DPYD: variants seen among roughly 807,000 people sequenced by gnomAD.
DPYD encodes dihydropyrimidine dehydrogenase [NADP(+)].
In DPYD, 109 loss-of-function variants were observed where a neutral mutation model predicts 116.2. The observed-to-expected ratio is 0.94, with a 90% CI of 0.80 to 1.10. The LOEUF is 1.10. DPYD is among the 50% of genes least tolerant of loss of function. The probability of loss-of-function intolerance (pLI) is 0.00; values close to 1 mark genes in which losing one functional copy is unlikely to be tolerated. For missense variants in DPYD, 1,302 were observed against 1,254.5 expected, an observed-to-expected ratio of 1.04 and a Z score of -0.57; for synonymous variants, 440 against 432.0, an observed-to-expected ratio of 1.02 and a Z score of -0.23.
At chr1:97,433,198 A>T (rs1246715409) in intron 14 of DPYD, among the ~76,000 whole-genome samples, 1 of 152,020 alleles carries the variant, frequency 6.6e-6, no homozygotes, top group Admixed American at 6.6e-5. Context: ...ACCTCTTTTA[A>T]CTGGAGGAGG....
rs189899379 is a variant in DPYD at position 97,278,946 on chromosome 1, C to T, written c.2299+26313G>A. ...ATTTTTTTTTTCCCACAGCTCTTTGCAGACACTAAACTTGAGCTTCTGAAT... is the reference window on the plus strand; with the variant it reads ...ATTTTTTTTTTCCCACAGCTCTTTGTAGACACTAAACTTGAGCTTCTGAAT... On this transcript the variant is annotated intron_variant, in intron 18 of 22. Transcript: ENST00000370192. Among the ~76,000 whole-genome samples the T allele has an allele frequency of 1.3e-4, 19 of 151,964 alleles. No individual in the cohort carries two copies. The East Asian group carries it at 3.5e-3, about 28-fold the overall frequency.
At chr1:97,402,558 T>C (rs1315526590) in intron 14 of DPYD, among the ~76,000 whole-genome samples, 1 of 152,102 alleles carries the variant, frequency 6.6e-6, no homozygotes, top group Non-Finnish European at 1.5e-5. Context: ...TAATGTCATC[T>C]GCAAAAACAG....
chr1:97,420,421 A>G (rs1206099769), intron 14 of DPYD, among the ~76,000 whole-genome samples: 1 of 151,358 alleles, frequency 6.6e-6, no homozygotes, highest in Non-Finnish European at 1.5e-5. Flanking sequence ...TCATTTCTGA[A>G]CTCTTATTTT....
chr1:97,525,978 AGTGT>A (rs71071658), intron 12 of DPYD, among the ~76,000 whole-genome samples: 4,952 of 137,986 alleles, frequency 0.036, 163 homozygotes, highest in East Asian at 0.15. Flanking sequence ...GGTAATTAAG[AGTGT>A]GTGTGTGTGT....
chr1:97,216,882 A>G (rs1660439662), intron 19 of DPYD, among the ~76,000 whole-genome samples: 1 of 152,080 alleles, frequency 6.6e-6, no homozygotes, highest in Non-Finnish European at 1.5e-5. Context: ...CATACTTTTG[A>G]CAATGTTAAA....
At chr1:97,260,265 G>T (rs1663791294) in intron 18 of DPYD, among the ~76,000 whole-genome samples, 1 of 152,018 alleles carries the variant, frequency 6.6e-6, no homozygotes. Flanking sequence ...TGTTATAAAA[G>T]AATACTCTCT....
chr1:97,902,548 G>A (rs1673418543), intron 1 of DPYD, among the ~76,000 whole-genome samples: 1 of 151,750 alleles, frequency 6.6e-6, no homozygotes, highest in African/African-American at 2.4e-5. Context: ...TAATCATTAA[G>A]TTTGCTGTTT....
chr1:97,620,858 T>C (rs1656591994), intron 8 of DPYD, among the ~76,000 whole-genome samples: 1 of 152,128 alleles, frequency 6.6e-6, no homozygotes, highest in South Asian at 2.1e-4. Context: ...GCTTCCTACT[T>C]GTACATGGAT....
chr1:97,267,764 C>A (rs2100877609), intron 18 of DPYD, among the ~76,000 whole-genome samples: 1 of 152,232 alleles, frequency 6.6e-6, no homozygotes, highest in South Asian at 2.1e-4. Context: ...CCAACAAATG[C>A]TTTTGGGGGA....
intron 14 of DPYD, among the ~76,000 whole-genome samples, chr1:97,433,077 T>TCTTCC (rs1206183308): frequency 6.6e-6 from 1 of 152,166 alleles, no homozygotes; most frequent in Admixed American, 6.6e-5. Flanking sequence ...TTTCTACTGA[T>TCTTCC]CTTCCCTTCC....
chr1:97,175,742 C>T lies in DPYD; in HGVS notation c.2622+17327G>A, dbSNP rs1341458261. Among the ~76,000 whole-genome samples the T allele has an allele frequency of 2.0e-5, 3 of 152,074 alleles. No individual in the cohort carries two copies. The East Asian group carries it at 5.8e-4, about 29-fold the overall frequency. On this transcript the variant is annotated intron_variant, in intron 20 of 22. Coordinates refer to ENST00000370192, the MANE Select transcript of DPYD (RefSeq NM_000110.4). ...AACCACCTAATGCATACCTCTTAGT[C>T]CAAAAAATCATCCTTGAAGCTCATT... is the stretch of plus-strand genomic sequence containing the variant.
intron 12 of DPYD, among the ~76,000 whole-genome samples, chr1:97,530,871 G>A (rs1422401619): frequency 6.6e-6 from 1 of 152,090 alleles, no homozygotes; most frequent in East Asian, 1.9e-4. Flanking sequence ...GATGATCAGT[G>A]ATAAGCATTT....
intron 19 of DPYD, among the ~76,000 whole-genome samples, chr1:97,194,721 C>T (rs10875054): frequency 0.72 from 108,854 of 151,846 alleles, 40,284 homozygotes; most frequent in East Asian, 0.99. Context: ...GCTAGGATGG[C>T]CTCAATCTCT....
chr1:97,750,756 A>G (rs1664830785), intron 3 of DPYD, among the ~76,000 whole-genome samples: 1 of 152,212 alleles, frequency 6.6e-6, no homozygotes, highest in South Asian at 2.1e-4. Flanking sequence ...TCAAGTATAC[A>G]TGGGCTTTTG....
chr1:97,079,770 C>T (rs139317746), intron 22 of DPYD, among the ~76,000 whole-genome samples: 5 of 152,186 alleles, frequency 3.3e-5, no homozygotes, highest in African/African-American at 1.2e-4. Context: ...CTGGCCCTGA[C>T]ACTATTGAGC....
At chr1:97,610,106 T>C (rs1207237088) in intron 8 of DPYD, among the ~76,000 whole-genome samples, 1 of 152,012 alleles carries the variant, frequency 6.6e-6, no homozygotes, top group Non-Finnish European at 1.5e-5. Flanking sequence ...TCATTATTTC[T>C]ACATGAAGGA....
chr1:97,472,000 A>C lies in DPYD; in HGVS notation c.1741-21777T>G, dbSNP rs1015841118. Among the ~76,000 whole-genome samples the C allele has an allele frequency of 2.5e-4, 38 of 152,230 alleles. 1 individual carries two copies. The highest frequency in any genetic ancestry group is 2.2e-3 in the Admixed American group (34 of 15,288). The stretch of plus-strand genomic sequence containing the variant: ...GAGACAGGTTTAGAGACTTAAAGAC[A>C]GGTCATATGAGAAACAGTTAAAAGA... On this transcript the variant is annotated intron_variant, in intron 13 of 22. Coordinates refer to ENST00000370192, the MANE Select transcript of DPYD (RefSeq NM_000110.4).
At chr1:97,674,948 T>C (rs1660061074) in intron 8 of DPYD, among the ~76,000 whole-genome samples, 1 of 152,194 alleles carries the variant, frequency 6.6e-6, no homozygotes, top group Admixed American at 6.6e-5. Flanking sequence ...ATCAGAGCCC[T>C]TACATTGTAT....
At chr1:97,131,608 TTG>T (rs909394360) in intron 20 of DPYD, among the ~76,000 whole-genome samples, 1 of 151,882 alleles carries the variant, frequency 6.6e-6, no homozygotes, top group African/African-American at 2.4e-5. Context: ...AGATAACTAT[TTG>T]TGTGTGTGTG....
Sources: gnomAD v4.1 joint callset for allele counts (sites outside exome capture counted in the v4.1 genomes callset) on GRCh38, gnomAD v4.1.1 for gene constraint, MANE v1.5 for transcripts, NCBI Gene and HGNC (gene_info 2026-07-23, HGNC 2026-07-21) for gene names.